VAT1L: variants seen among roughly 807,000 people sequenced by gnomAD.
The protein encoded by VAT1L is putative NADPH-dependent quinone oxidoreductase VAT1L.
VAT1L carries 34 observed loss-of-function variants against 44.1 expected under a neutral mutation model. That is an observed-to-expected ratio of 0.77 (90% CI 0.59 to 1.03). The LOEUF is 1.03. Ranked by LOEUF, VAT1L falls within the 50% of genes least tolerant of loss-of-function variation. The pLI is 0.00. For missense variants in VAT1L, 615 were observed against 538.8 expected, an observed-to-expected ratio of 1.14 and a Z score of -1.40; for synonymous variants, 253 against 202.2, an observed-to-expected ratio of 1.25 and a Z score of -2.13.
chr16:77,913,991 C>A (rs1423388914), intron 7 of VAT1L, among the ~76,000 whole-genome samples: 1 of 152,122 alleles, frequency 6.6e-6, no homozygotes, highest in African/African-American at 2.4e-5. Flanking sequence ...TTTTCTCAAG[C>A]TCTTTGGTCA....
chr16:77,902,028 G>A (rs1291413391), intron 7 of VAT1L, among the ~76,000 whole-genome samples: 4 of 152,166 alleles, frequency 2.6e-5, no homozygotes, highest in East Asian at 1.9e-4. Context: ...TTTATTTGTG[G>A]CAGTGTTTTC....
chr16:77,882,872 C>A (rs2017169579), intron 6 of VAT1L, among the ~76,000 whole-genome samples: 1 of 152,208 alleles, frequency 6.6e-6, no homozygotes, highest in Non-Finnish European at 1.5e-5. Flanking sequence ...GATTTCCAAA[C>A]CACATGCCTC....
chr16:77,820,202 G>A (rs142646285), intron 2 of VAT1L, among the ~76,000 whole-genome samples: 13 of 152,184 alleles, frequency 8.5e-5, no homozygotes, highest in East Asian at 5.8e-4. Flanking sequence ...GTAGACTCCC[G>A]CACCTGGTCA....
At chr16:77,833,966 A>G (rs2145253731) in intron 3 of VAT1L, among the ~76,000 whole-genome samples, 1 of 152,176 alleles carries the variant, frequency 6.6e-6, no homozygotes, top group East Asian at 1.9e-4. Context: ...TGGCCCCAGT[A>G]TCTCTCCCCA....
At chr16:77,971,745 A>AGC in intron 7 of VAT1L, 105 bp from the exon 8 acceptor site, 1 of 1,217,890 alleles carries the variant, frequency 8.2e-7, no homozygotes, top group Non-Finnish European at 1.2e-6. Flanking sequence ...CTTGAGCCGC[A>AGC]GCGCCCTCTG....
In VAT1L at chr16:77,968,212, T is replaced by G. The variant is rs112758767; in HGVS notation, c.1078-3638T>G. 1.7e-3 allele frequency among the ~76,000 whole-genome samples: 260 copies of G among 152,214 alleles called. 2 individuals carry two copies. Among genetic ancestry groups the G allele is most frequent in the African/African-American group, 5.9e-3 (243 of 41,520 alleles). On this transcript the variant is annotated intron_variant, in intron 7 of 8. Coordinates refer to ENST00000302536, the MANE Select transcript of VAT1L (RefSeq NM_020927.3). ...TCCTTTGATTCTCACAAGGCTGCAA[T>G]TGGGGTGTTACAGGAAAGGGGTCCT...
rs528264940 is a variant in VAT1L, at chr16:77,815,612, G to A, written c.234-1309G>A. 4.6e-5 allele frequency among the ~76,000 whole-genome samples: 7 copies of A among 152,240 alleles called. No homozygotes were observed. In the South Asian group the frequency reaches 1.4e-3, roughly 32 times the overall value. ...TAAGTGAGACCAGTGGGCATAGGTG[G>A]AGTTAGATGCTTCCTTGGGTCCAAA... On this transcript the variant is annotated intron_variant, in intron 1 of 8. Transcript: ENST00000302536.
chr16:77,856,517 A>G (rs565353602), intron 3 of VAT1L, among the ~76,000 whole-genome samples: 9 of 152,314 alleles, frequency 5.9e-5, no homozygotes, highest in Non-Finnish European at 1.2e-4. Context: ...CTTTAAAGAG[A>G]TGAATTCACT....
intron 1 of VAT1L, among the ~76,000 whole-genome samples, chr16:77,808,055 C>G (rs1166735636): frequency 6.6e-6 from 1 of 151,810 alleles, no homozygotes; most frequent in Non-Finnish European, 1.5e-5. Flanking sequence ...CAGTACTGGT[C>G]TGTGGCCTGT....
At chr16:77,818,175 G>A (rs1280900374) in intron 2 of VAT1L, among the ~76,000 whole-genome samples, 2 of 152,118 alleles carry the variant, frequency 1.3e-5, no homozygotes, top group East Asian at 3.9e-4. Context: ...AGCTAAAGAA[G>A]AATCCTATAA....
intron 1 of VAT1L, among the ~76,000 whole-genome samples, chr16:77,789,993 T>G: frequency 6.6e-6 from 1 of 152,202 alleles, no homozygotes; most frequent in East Asian, 1.9e-4. Context: ...CCTTCCCATC[T>G]GTTTTCTAGA....
intron 7 of VAT1L, among the ~76,000 whole-genome samples, chr16:77,887,225 A>C (rs988085847): frequency 6.6e-6 from 1 of 152,182 alleles, no homozygotes; most frequent in African/African-American, 2.4e-5. Flanking sequence ...CCAAGGAGGG[A>C]ATGGTACAAG....
At chr16:77,948,310 G>A (rs1013463748) in intron 7 of VAT1L, among the ~76,000 whole-genome samples, 7 of 152,160 alleles carry the variant, frequency 4.6e-5, no homozygotes, top group African/African-American at 1.4e-4. Context: ...CAGGCCATTT[G>A]ATTGAAAGGG....
chr16:77,926,400 A>G (rs538613881), intron 7 of VAT1L, among the ~76,000 whole-genome samples: 4 of 152,018 alleles, frequency 2.6e-5, no homozygotes, highest in African/African-American at 9.6e-5. Flanking sequence ...CCTGGCCAAC[A>G]TGGTGAAACC....
intron 1 of VAT1L, among the ~76,000 whole-genome samples, chr16:77,797,354 G>A (rs1445128166): frequency 6.6e-6 from 1 of 151,964 alleles, no homozygotes; most frequent in African/African-American, 2.4e-5. Flanking sequence ...CAGGTGATCC[G>A]CCTGCCTCAG....
At chr16:77,839,884 A>G (rs2016686764) in intron 3 of VAT1L, among the ~76,000 whole-genome samples, 1 of 152,214 alleles carries the variant, frequency 6.6e-6, no homozygotes, top group African/African-American at 2.4e-5. Context: ...GAATGTATTG[A>G]TCTTCAATGT....
chr16:77,923,727 G>T (rs1377093900), intron 7 of VAT1L, among the ~76,000 whole-genome samples: 1 of 152,156 alleles, frequency 6.6e-6, no homozygotes, highest in East Asian at 1.9e-4. Context: ...CTCAAAGTTG[G>T]TACCCAGGGT....
intron 7 of VAT1L, among the ~76,000 whole-genome samples, chr16:77,886,628 C>A (rs79231707): frequency 0.012 from 1,776 of 152,280 alleles, 69 homozygotes; most frequent in Admixed American, 0.076. Flanking sequence ...CAATGATGAA[C>A]AAATGGACAA....
In VAT1L at chr16:77,972,738, G is replaced by A. The variant is rs929584366; in HGVS notation, c.1161+805G>A. Among the ~76,000 whole-genome samples the A allele has an allele frequency of 5.9e-5, 9 of 151,690 alleles. No homozygotes were observed. In the South Asian group the frequency reaches 1.0e-3, roughly 18 times the overall value. On this transcript the variant is annotated intron_variant, in intron 8 of 8. Transcript: ENST00000302536. ...AGAGATTGCAGTAAGCCGTGATTGC[G>A]TCATTGCACTCCAGCCTGGGGGACT...
Sources: gnomAD v4.1 joint callset for allele counts (sites outside exome capture counted in the v4.1 genomes callset) on GRCh38, gnomAD v4.1.1 for gene constraint, MANE v1.5 for transcripts, NCBI Gene and HGNC (gene_info 2026-07-23, HGNC 2026-07-21) for gene names.